TTC34: variants seen among roughly 807,000 people sequenced by gnomAD.
TTC34 encodes the protein tetratricopeptide repeat domain 34, also known as tetratricopeptide repeat protein 34.
TTC34 carries 44 observed loss-of-function variants against 40.7 expected under a neutral mutation model. The observed-to-expected ratio is 1.08, with a 90% CI of 0.85 to 1.39. The LOEUF is 1.39. TTC34 is among the 40% of genes most tolerant of loss of function. The pLI is 0.00. For synonymous variants in TTC34, 422 were observed against 398.6 expected, an observed-to-expected ratio of 1.06 and a Z score of -0.70; for missense variants, 884 against 838.0, an observed-to-expected ratio of 1.05 and a Z score of -0.68.
At chr1:2,641,751 A>G in exon 9 of TTC34, 1 of 1,535,208 alleles carries the variant, frequency 6.5e-7, no homozygotes, top group South Asian at 1.2e-5. Context: ...GCCCGGCCAA[A>G]CTCCTGCAAC....
rs568801553 is a variant in TTC34 at position 2,687,210 on chromosome 1, G to A, written c.2227-41647C>T. 2.7e-5 allele frequency among the ~76,000 whole-genome samples: 4 copies of A among 147,288 alleles called. 1 individual carries two copies. The highest frequency in any genetic ancestry group is 1.1e-4 in the African/African-American group (4 of 37,118). On this transcript the variant is annotated intron_variant, in intron 6 of 8. Coordinates refer to ENST00000401095, the Ensembl canonical transcript of TTC34. ...CCACGGAGCAGCACCCACACCTCCC[G>A]GCGAGCATCCGACAGCCTGGAGCAG...
chr1:2,773,017 C>A (rs796446221), intron 6 of TTC34, among the ~76,000 whole-genome samples: 30 of 150,980 alleles, frequency 2.0e-4, no homozygotes, highest in Non-Finnish European at 3.0e-4. Flanking sequence ...AGCACCCACA[C>A]CCCCAGGCGA....
chr1:2,694,705 C>T (rs1209453577), intron 6 of TTC34, among the ~76,000 whole-genome samples: 1 of 86,052 alleles, frequency 1.2e-5, no homozygotes, highest in South Asian at 3.3e-4. Flanking sequence ...GGAGCAGCAC[C>T]CACAACCACA....
intron 6 of TTC34, among the ~76,000 whole-genome samples, chr1:2,782,084 G>C (rs753347311): frequency 3.9e-5 from 6 of 152,278 alleles, no homozygotes; most frequent in Admixed American, 6.5e-5. Flanking sequence ...ATTCGTGTTA[G>C]TTCTTTAAAT....
intron 6 of TTC34, among the ~76,000 whole-genome samples, chr1:2,695,180 G>C (rs1308055568): frequency 6.6e-5 from 3 of 45,764 alleles, no homozygotes; most frequent in Non-Finnish European, 9.2e-5. Context: ...TGACAGCATG[G>C]AACAGCACCC....
intron 6 of TTC34, among the ~76,000 whole-genome samples, chr1:2,694,072 A>C (rs1569610158): frequency 1.3e-5 from 2 of 148,520 alleles, no homozygotes; most frequent in Non-Finnish European, 3.0e-5. Flanking sequence ...CCACACACCC[A>C]GGTGAGCATC....
chr1:2,653,564 C>A (rs1413488669), intron 6 of TTC34, among the ~76,000 whole-genome samples: 1 of 151,768 alleles, frequency 6.6e-6, no homozygotes, highest in Non-Finnish European at 1.5e-5. Flanking sequence ...GAATAGCACC[C>A]ACACCCGCAG....
chr1:2,639,269 G>A (rs894703788), exon 9 of TTC34: 2 of 152,412 alleles, frequency 1.3e-5, no homozygotes, highest in African/African-American at 2.4e-5. Flanking sequence ...CAGCCCCCTG[G>A]TGGGGGAGAA....
In TTC34 at chr1:2,694,638, C is replaced by A. The variant is rs1307745891; in HGVS notation, c.2227-49075G>T. Among the ~76,000 whole-genome samples, 2 of 66,086 alleles carry A rather than the reference C, an allele frequency of 3.0e-5. 1 individual carries two copies. Among genetic ancestry groups the A allele is most frequent in the South Asian group, 8.7e-4 (2 of 2,288 alleles). The allele number at this position is 66,086 out of a possible 152,430, so 43.4% of individuals were successfully genotyped here. ...ACGGAGCAGCACCCACACCTCCCGG[C>A]GAGCATCTGACGGCCTGGAACAGCA... On this transcript the variant is annotated intron_variant, in intron 6 of 8. Coordinates refer to ENST00000401095, the Ensembl canonical transcript of TTC34.
intron 6 of TTC34, among the ~76,000 whole-genome samples, chr1:2,656,332 A>ACTG (rs1639343264): frequency 7.2e-6 from 1 of 139,322 alleles, no homozygotes; most frequent in Non-Finnish European, 1.5e-5. Flanking sequence ...AACAGCACTC[A>ACTG]CACCCCCAGG....
chr1:2,756,678 CAGCTGAA>C (rs1641517575), intron 6 of TTC34, among the ~76,000 whole-genome samples: 143 of 3,496 alleles, frequency 0.041, no homozygotes, highest in Middle Eastern at 0.17. Context: ...CCCAGGTGAG[CAGCTGAA>C]ATCCTGGAAC....
At chr1:2,653,170 C>G (rs527911468) in intron 6 of TTC34, among the ~76,000 whole-genome samples, 3,018 of 137,014 alleles carry the variant, frequency 0.022, no homozygotes, top group East Asian at 0.11. Context: ...CCCACACCCA[C>G]AGGTGAGCAT....
intron 6 of TTC34, among the ~76,000 whole-genome samples, chr1:2,693,068 C>T (rs1305337457): frequency 1.2e-5 from 1 of 86,462 alleles, no homozygotes; most frequent in Non-Finnish European, 2.7e-5. Flanking sequence ...ACCCACAACC[C>T]CAGGCGAGCA....
intron 6 of TTC34, among the ~76,000 whole-genome samples, chr1:2,773,397 T>A (rs370651147): frequency 0.19 from 1,047 of 5,470 alleles, no homozygotes; most frequent in Middle Eastern, 0.25. Context: ...AGCATCTGAC[T>A]GCCTGGAGCA....
rs527944346 is a variant in TTC34 at position 2,641,802 on chromosome 1, T to G, written c.2806A>C (p.Ser936Arg). 3.5e-5 allele frequency: 53 copies of G among 1,535,222 alleles called. 1 individual carries two copies. The Middle Eastern group carries it at 1.3e-3, about 39-fold the overall frequency. Reference sequence around the variant, plus strand: ...GCCCGCAGACGCAGGTGACAGGCACTGCTGCCACTGGCCAGGACAGACAGC... The same window carrying G: ...GCCCGCAGACGCAGGTGACAGGCACGGCTGCCACTGGCCAGGACAGACAGC... Residue 936 changes from serine (S) to arginine (R), a missense_variant, in exon 9 of 9, where the codon AGT (serine) becomes CGT (arginine). Coordinates refer to ENST00000401095, the Ensembl canonical transcript of TTC34.
intron 6 of TTC34, among the ~76,000 whole-genome samples, chr1:2,683,571 C>T (rs1377462901): frequency 1.3e-4 from 4 of 29,856 alleles, no homozygotes; most frequent in African/African-American, 1.9e-4. Flanking sequence ...GAGCATCCGA[C>T]AGCCTGGAAC....
chr1:2,677,870 C>T (rs1196738842), intron 6 of TTC34, among the ~76,000 whole-genome samples: 1 of 28,778 alleles, frequency 3.5e-5, no homozygotes, highest in Admixed American at 4.0e-4. Context: ...GAGCATCAGA[C>T]AGCCTGGAAC....
At chr1:2,657,729 C>T (rs74535452) in intron 6 of TTC34, among the ~76,000 whole-genome samples, 8 of 46,014 alleles carry the variant, frequency 1.7e-4, no homozygotes, top group South Asian at 7.8e-4. Context: ...CAGCCTGGGT[C>T]GGCACCCACA....
At chr1:2,750,822 T>C (rs1267156758) in intron 6 of TTC34, among the ~76,000 whole-genome samples, 32 of 115,396 alleles carry the variant, frequency 2.8e-4, no homozygotes, top group Middle Eastern at 5.4e-3. Flanking sequence ...GGCGAGCATC[T>C]GACAGCCTGG....
Sources: gnomAD v4.1 joint callset for allele counts (sites outside exome capture counted in the v4.1 genomes callset) on GRCh38, gnomAD v4.1.1 for gene constraint, MANE v1.5 for transcripts, NCBI Gene and HGNC (gene_info 2026-07-23, HGNC 2026-07-21) for gene names.